Variants in FARP1 observed in about 807,000 individuals in gnomAD.
FARP1 encodes the protein FERM, ARHGEF and pleckstrin domain-containing protein 1.
In FARP1, 52 loss-of-function variants were observed where a neutral mutation model predicts 128.8. The ratio of observed to expected loss-of-function variants is 0.40; its 90% confidence interval spans 0.32 to 0.51. FARP1 has a LOEUF of 0.51. Among genes scored for constraint, FARP1 ranks in the 20% least tolerant of loss-of-function variants. The probability of loss-of-function intolerance (pLI) is 0.45; values close to 1 mark genes in which losing one functional copy is unlikely to be tolerated. For synonymous variants in FARP1, 580 were observed against 551.8 expected (o/e 1.05, Z -0.72); for missense variants, 1,333 against 1,367.9 (o/e 0.97, Z 0.40).
rs1304639127 is a variant in FARP1, at chr13:98,409,485, C to G, written c.1562C>G (p.Ala521Gly). The G allele has an allele frequency of 6.2e-7, 1 of 1,613,650 alleles. No individual in the cohort carries two copies. The highest frequency in any genetic ancestry group is 8.5e-7 in the Non-Finnish European group (1 of 1,179,892). ...ATCAGCCCGCTGCTGAATGACCAGGCCTGCCCCCGGACGGACGATGAGGAT... is the reference window on the plus strand; with the variant it reads ...ATCAGCCCGCTGCTGAATGACCAGGGCTGCCCCCGGACGGACGATGAGGAT... ...PLISPLLNDQ[A>G]CPRTDDEDEG... Residue 521 changes from alanine (A) to glycine (G), a missense_variant, in exon 14 of 27, where the codon GCC becomes GGC. By Grantham distance (60) the Ala-to-Gly change is moderately conservative. This residue lies in a region of FARP1 where 1,009 missense variants were observed against 969.8 expected (regional missense o/e 1.04). Transcript: ENST00000319562.
chr13:98,313,861 G>A (rs531016088), intron 2 of FARP1, among the ~76,000 whole-genome samples: 5 of 152,302 alleles, frequency 3.3e-5, no homozygotes, highest in South Asian at 2.1e-4. Flanking sequence ...CCACAAGAGC[G>A]CCTGTGATAG....
intron 2 of FARP1, among the ~76,000 whole-genome samples, chr13:98,295,043 TATTACACACACAC>T (rs1885604379): frequency 7.4e-6 from 1 of 135,682 alleles, no homozygotes; most frequent in Non-Finnish European, 1.6e-5. Flanking sequence ...TATATATATA[TATTACACACACAC>T]ACACACACAC....
chr13:98,347,105 C>T (rs765351190), intron 3 of FARP1, among the ~76,000 whole-genome samples: 1 of 152,172 alleles, frequency 6.6e-6, no homozygotes, highest in Non-Finnish European at 1.5e-5. Flanking sequence ...TTGTGAGAAT[C>T]GTAAGCACCA....
intron 2 of FARP1, among the ~76,000 whole-genome samples, chr13:98,304,467 C>T (rs1330868885): frequency 6.6e-6 from 1 of 152,148 alleles, no homozygotes; most frequent in Admixed American, 6.5e-5. Flanking sequence ...GGTGTTAGGT[C>T]CAGAAAGGTG....
chr13:98,345,001 G>T (rs1374507201), intron 3 of FARP1, among the ~76,000 whole-genome samples: 1 of 152,190 alleles, frequency 6.6e-6, no homozygotes, highest in African/African-American at 2.4e-5. Context: ...TGAAAGGTGA[G>T]ATAAAGTGAC....
intron 2 of FARP1, among the ~76,000 whole-genome samples, chr13:98,246,788 T>C (rs1883092028): frequency 6.6e-6 from 1 of 152,204 alleles, no homozygotes; most frequent in African/African-American, 2.4e-5. Flanking sequence ...GTCAGAGCTT[T>C]CTACCCAGAG....
intron 3 of FARP1, among the ~76,000 whole-genome samples, chr13:98,358,571 T>C (rs1476831555): frequency 6.6e-6 from 1 of 152,174 alleles, no homozygotes; most frequent in Non-Finnish European, 1.5e-5. Flanking sequence ...ATTAATAAAG[T>C]CAAATAATTT....
At chr13:98,265,429 C>T (rs1010799397) in intron 2 of FARP1, among the ~76,000 whole-genome samples, 1 of 146,384 alleles carries the variant, frequency 6.8e-6, no homozygotes, top group Non-Finnish European at 1.5e-5. Flanking sequence ...ACGCCATTCT[C>T]CTGCCTCAGC....
At chr13:98,312,999 G>T (rs1156820379) in intron 2 of FARP1, among the ~76,000 whole-genome samples, 2 of 152,122 alleles carry the variant, frequency 1.3e-5, no homozygotes, top group African/African-American at 4.8e-5. Context: ...TCCAAAATAT[G>T]TTGAAGTCCT....
intron 13 of FARP1, chr13:98,405,237 C>T (rs1890928136): frequency 6.6e-6 from 1 of 152,184 alleles, no homozygotes; most frequent in African/African-American, 2.4e-5. Flanking sequence ...AACCCAGCTT[C>T]CCCAGACCGG....
intron 2 of FARP1, among the ~76,000 whole-genome samples, chr13:98,229,985 A>G (rs1339147655): frequency 6.6e-6 from 1 of 152,182 alleles, no homozygotes; most frequent in Non-Finnish European, 1.5e-5. Flanking sequence ...TGTTGTTTAA[A>G]ATCAAGTTGT....
At chr13:98,308,657 G>A (rs1886301630) in intron 2 of FARP1, among the ~76,000 whole-genome samples, 1 of 152,136 alleles carries the variant, frequency 6.6e-6, no homozygotes. Flanking sequence ...GTTTTAATAT[G>A]TGTAATTTTA....
intron 2 of FARP1, among the ~76,000 whole-genome samples, chr13:98,301,045 C>T (rs1210831228): frequency 6.6e-6 from 1 of 152,174 alleles, no homozygotes; most frequent in Non-Finnish European, 1.5e-5. Context: ...GAGCTGGGTC[C>T]AGAGACTGCT....
intron 2 of FARP1, among the ~76,000 whole-genome samples, chr13:98,310,082 T>TTTG (rs1886392026): frequency 6.7e-6 from 1 of 149,404 alleles, no homozygotes; most frequent in South Asian, 2.1e-4. Flanking sequence ...GATTACATGT[T>TTTG]TTTTTTTTTT....
At position 98,263,014 on chromosome 13, in the gene FARP1, TTATTG is replaced by T. The variant is rs201867328; in HGVS notation, c.171+49603_171+49607del. Reference sequence around the variant, plus strand: ...TTAAACATTATTATTATTATTATTATTATTGTTTTTTGGGACAGAGCTTTGCTCTT... The same window carrying T: ...TTAAACATTATTATTATTATTATTATTTTTTTGGGACAGAGCTTTGCTCTT... On this transcript the variant is annotated intron_variant, in intron 2 of 26. Transcript: ENST00000319562. Among the ~76,000 whole-genome samples, 754 of 151,416 alleles carry T rather than the reference TTATTG, an allele frequency of 5.0e-3. 8 individuals carry two copies. The highest frequency in any genetic ancestry group is 0.011 in the African/African-American group (447 of 40,894).
intron 17 of FARP1, among the ~76,000 whole-genome samples, chr13:98,430,222 A>G (rs867549706): frequency 6.6e-6 from 1 of 152,354 alleles, no homozygotes; most frequent in African/African-American, 2.4e-5. Context: ...ACTGCACTCC[A>G]GCCTGGGCAA....
chr13:98,158,538 G>T (rs1404145978), intron 1 of FARP1, among the ~76,000 whole-genome samples: 1 of 152,176 alleles, frequency 6.6e-6, no homozygotes, highest in African/African-American at 2.4e-5. Context: ...GATCAAGGTT[G>T]TCCAGGTCAG....
intron 2 of FARP1, among the ~76,000 whole-genome samples, chr13:98,290,228 T>C (rs1300329979): frequency 6.6e-6 from 1 of 151,970 alleles, no homozygotes; most frequent in Non-Finnish European, 1.5e-5. Context: ...TGCCAGGTGG[T>C]ACTAAGTACT....
chr13:98,210,022 A>G (rs1302005192), intron 1 of FARP1, among the ~76,000 whole-genome samples: 2 of 151,198 alleles, frequency 1.3e-5, no homozygotes, highest in Non-Finnish European at 2.9e-5. Flanking sequence ...AGTAAAATAA[A>G]ATTAATAAAA....
Sources: gnomAD v4.1 joint callset for allele counts (sites outside exome capture counted in the v4.1 genomes callset) on GRCh38, gnomAD v4.1.1 for gene constraint, gnomAD v4.1.1 regional missense constraint, MANE v1.5 for transcripts, NCBI Gene and HGNC (gene_info 2026-07-23, HGNC 2026-07-21) for gene names.